The following PDE1C variants were observed in gnomAD, a reference collection of about 807,000 sequenced individuals.
PDE1C encodes dual specificity calcium/calmodulin-dependent 3',5'-cyclic nucleotide phosphodiesterase 1C.
In PDE1C, 62 loss-of-function variants were observed where a neutral mutation model predicts 93.1. The observed-to-expected ratio is 0.67, with a 90% CI of 0.54 to 0.82. The LOEUF (loss-of-function observed/expected upper bound fraction) is 0.82. Among genes scored for constraint, PDE1C ranks in the 40% least tolerant of loss-of-function variants. The pLI is 0.00. For missense variants in PDE1C, 742 were observed against 884.6 expected (o/e 0.84, Z 2.04); for synonymous variants, 325 against 310.1 (o/e 1.05, Z -0.50).
At chr7:32,124,528 A>G (rs2128766708) in intron 3 of PDE1C, among the ~76,000 whole-genome samples, 1 of 152,310 alleles carries the variant, frequency 6.6e-6, no homozygotes, top group African/African-American at 2.4e-5. Context: ...GGAACAGAAC[A>G]GAGACGTCGG....
At chr7:32,225,592 C>A (rs572053864) in intron 1 of PDE1C, among the ~76,000 whole-genome samples, 2 of 152,090 alleles carry the variant, frequency 1.3e-5, no homozygotes, top group African/African-American at 4.8e-5. Context: ...AATTTAAGCT[C>A]ACAACGAGAA....
intron 9 of PDE1C, among the ~76,000 whole-genome samples, chr7:31,845,905 A>G (rs1583578755): frequency 1.3e-5 from 2 of 152,234 alleles, no homozygotes; most frequent in African/African-American, 4.8e-5. Flanking sequence ...AGGCAGGAGA[A>G]TCGCTTGAAT....
intron 3 of PDE1C, among the ~76,000 whole-genome samples, chr7:32,078,906 A>G (rs1398358730): frequency 1.3e-5 from 2 of 151,158 alleles, no homozygotes; most frequent in African/African-American, 4.9e-5. Flanking sequence ...AGCCTTGGCA[A>G]CAGAGCAAGA....
chr7:31,844,438 T>G (rs1224213708), intron 9 of PDE1C, among the ~76,000 whole-genome samples: 1 of 151,756 alleles, frequency 6.6e-6, no homozygotes, highest in African/African-American at 2.4e-5. Flanking sequence ...GCATCCTGTG[T>G]TGGCTTTTTG....
At chr7:31,719,602 C>T in the PDE1C span, among the ~76,000 whole-genome samples, 1 of 152,180 alleles carries the variant, frequency 6.6e-6, no homozygotes, top group African/African-American at 2.4e-5. Context: ...TCCCTCCATG[C>T]TCTCCCCAGC....
At chr7:32,088,685 G>A (rs564146659) in intron 3 of PDE1C, among the ~76,000 whole-genome samples, 9 of 152,290 alleles carry the variant, frequency 5.9e-5, no homozygotes, top group Non-Finnish European at 1.2e-4. Context: ...ATGCACAAGC[G>A]GTTCTGACCT....
chr7:32,356,064 T>C (rs1362378313), intron 1 of PDE1C, among the ~76,000 whole-genome samples: 2 of 152,062 alleles, frequency 1.3e-5, no homozygotes, highest in South Asian at 2.1e-4. Context: ...ATGCACAGAG[T>C]AGACAATGGA....
At chr7:31,977,929 A>C (rs2129055970) in intron 2 of PDE1C, among the ~76,000 whole-genome samples, 1 of 152,326 alleles carries the variant, frequency 6.6e-6, no homozygotes, top group South Asian at 2.1e-4. Flanking sequence ...CTTGGGCTAA[A>C]TCTTTTCTTG....
At chr7:31,936,490 C>T (rs1805097191) in intron 2 of PDE1C, among the ~76,000 whole-genome samples, 1 of 151,688 alleles carries the variant, frequency 6.6e-6, no homozygotes. Flanking sequence ...AACTTACAGG[C>T]ATCAGACACA....
chr7:32,187,162 CTTTCT>C (rs1434448818), intron 2 of PDE1C, among the ~76,000 whole-genome samples: 1 of 151,534 alleles, frequency 6.6e-6, no homozygotes, highest in Non-Finnish European at 1.5e-5. Context: ...TTCTCTCTCT[CTTTCT>C]TTTATTTTCA....
At chr7:31,853,688 GT>G in intron 7 of PDE1C, among the ~76,000 whole-genome samples, 1 of 151,766 alleles carries the variant, frequency 6.6e-6, no homozygotes. Context: ...AAAAAGCAGG[GT>G]TTTTTTGTTT....
intron 1 of PDE1C, among the ~76,000 whole-genome samples, chr7:32,226,570 CT>C (rs1807289620): frequency 6.6e-6 from 1 of 152,058 alleles, no homozygotes; most frequent in South Asian, 2.1e-4. Flanking sequence ...AGGGGGGCCC[CT>C]GATGAGGGGC....
chr7:31,970,392 C>A (rs1295341789), intron 2 of PDE1C, among the ~76,000 whole-genome samples: 2 of 152,104 alleles, frequency 1.3e-5, no homozygotes, highest in Non-Finnish European at 2.9e-5. Flanking sequence ...AGAAAAGTCT[C>A]GGGCGGAGGG....
chr7:31,622,314 G>GCACCA, the PDE1C span, among the ~76,000 whole-genome samples: 3 of 151,484 alleles, frequency 2.0e-5, no homozygotes, highest in Admixed American at 6.6e-5. Flanking sequence ...TTTTTTTTCA[G>GCACCA]CACCACACCA....
chr7:31,764,648 G>A (rs979917031), intron 17 of PDE1C, among the ~76,000 whole-genome samples: 1 of 152,112 alleles, frequency 6.6e-6, no homozygotes, highest in African/African-American at 2.4e-5. Context: ...GTAATTATTT[G>A]AGTCACTCAT....
At chr7:32,026,095 C>T (rs546967711) in intron 2 of PDE1C, among the ~76,000 whole-genome samples, 19 of 152,198 alleles carry the variant, frequency 1.2e-4, no homozygotes, top group East Asian at 5.8e-4. Flanking sequence ...CACACACACG[C>T]GTGCACTCTC....
the PDE1C span, among the ~76,000 whole-genome samples, chr7:31,715,817 G>A: frequency 3.9e-5 from 6 of 152,104 alleles, no homozygotes; most frequent in African/African-American, 1.4e-4. Context: ...AGGTAAACAG[G>A]TCTGAGACTC....
At chr7:32,204,479 C>G (rs1805269348) in intron 2 of PDE1C, among the ~76,000 whole-genome samples, 1 of 152,174 alleles carries the variant, frequency 6.6e-6, no homozygotes, top group South Asian at 2.1e-4. Context: ...CTCCCTCGCT[C>G]GGGCTCCTCC....
At chr7:31,891,139 C>T (rs1280009646) in intron 2 of PDE1C, among the ~76,000 whole-genome samples, 2 of 152,158 alleles carry the variant, frequency 1.3e-5, no homozygotes, top group Non-Finnish European at 2.9e-5. Context: ...CCAAGATTGT[C>T]ACAGAAGGAA....
Sources: allele counts gnomAD v4.1 joint callset (sites outside exome capture counted in the v4.1 genomes callset), GRCh38; gene constraint gnomAD v4.1.1; transcripts MANE v1.5; gene names NCBI Gene and HGNC (gene_info 2026-07-23, HGNC 2026-07-21).